The following NBEAL1 variants were observed in gnomAD, a reference collection of about 807,000 sequenced individuals.
NBEAL1 encodes the protein neurobeachin-like protein 1.
Under a neutral mutation model 351.3 loss-of-function variants are expected in NBEAL1, and 273 were observed. The observed-to-expected ratio is 0.78, with a 90% CI of 0.70 to 0.86. NBEAL1 has a LOEUF of 0.86. Among genes scored for constraint, NBEAL1 ranks in the 40% least tolerant of loss-of-function variants. The probability of loss-of-function intolerance (pLI) is 0.00; values close to 1 mark genes in which losing one functional copy is unlikely to be tolerated. For synonymous variants in NBEAL1, 1,050 were observed against 1,086.4 expected (o/e 0.97, Z 0.66); for missense variants, 2,961 against 3,201.3 (o/e 0.92, Z 1.81).
chr2:203,019,757 C>T (rs1001079366), intron 2 of NBEAL1, among the ~76,000 whole-genome samples: 2 of 152,154 alleles, frequency 1.3e-5, no homozygotes, highest in Non-Finnish European at 2.9e-5. Context: ...AGTAGTACTA[C>T]CTCAGAAATA....
intron 7 of NBEAL1, among the ~76,000 whole-genome samples, chr2:203,074,317 C>CTTTTTTTT (rs56217945): frequency 2.3e-4 from 23 of 98,330 alleles, no homozygotes; most frequent in African/African-American, 5.2e-4. Context: ...TTTCTTTCTT[C>CTTTTTTTT]TTTTTTTTTT....
At chr2:203,179,738 T>A (rs2064642649) in intron 42 of NBEAL1, among the ~76,000 whole-genome samples, 1 of 152,190 alleles carries the variant, frequency 6.6e-6, no homozygotes, top group South Asian at 2.1e-4. Context: ...TTTTCAAATA[T>A]TGAAATAACA....
Position 203,116,062 on chromosome 2 carries a change from A to G in NBEAL1, c.2584A>G (p.Thr862Ala), listed in dbSNP as rs1559377099. The change falls in exon 18 of 56, where the codon ACA (threonine) becomes GCA (alanine). Residue 862 changes from threonine (T) to alanine (A), a missense_variant. Transcript: ENST00000683969. ...GCCTGGTAACATCCTTCTTTACTAC[A>G]CAGCAAAGGTCAGAGTAAATTTGTG... ...DLPGNILLYY[T>A]AKACKNSICL... is the part of the protein sequence containing the mutation. 6.4e-7 allele frequency: 1 copy of G among 1,551,528 alleles called. No individual in the cohort carries two copies. Among genetic ancestry groups the G allele is most frequent in the Admixed American group, 2.0e-5 (1 of 51,004 alleles).
intron 36 of NBEAL1, among the ~76,000 whole-genome samples, chr2:203,158,794 T>C (rs2063865077): frequency 6.6e-6 from 1 of 151,518 alleles, no homozygotes; most frequent in South Asian, 2.1e-4. Context: ...TCCAGTTTTT[T>C]TGTGTGTGTT....
chr2:203,195,555 A>G (rs746336752), intron 47 of NBEAL1, among the ~76,000 whole-genome samples: 2 of 152,242 alleles, frequency 1.3e-5, no homozygotes, highest in African/African-American at 2.4e-5. Context: ...GTGATTTGCC[A>G]GAAAGACTCA....
Position 203,220,483 on chromosome 2 carries a change from C to CA in NBEAL1, c.*3142dup, listed in dbSNP as rs968981661. Among the ~76,000 whole-genome samples, 960 of 136,042 alleles carry CA rather than the reference C, an allele frequency of 7.1e-3. 24 individuals carry two copies. The highest frequency in any genetic ancestry group is 0.043 in the Admixed American group (579 of 13,606). The allele number at this position is 136,042 out of a possible 152,430, so 89.2% of individuals were successfully genotyped here. A position where few individuals can be genotyped will look rare whatever the true frequency, so the allele number is the denominator to read the frequency against. ...TGGGCAACAGGGCAAGACTCCATCT[C>CA]AAAAAAAAAAAAAGTCTGTTATCTT... On this transcript the variant is annotated 3_prime_UTR_variant, in exon 56 of 56. Transcript: ENST00000683969.
At chr2:203,092,522 G>T (rs1306990258) in intron 10 of NBEAL1, among the ~76,000 whole-genome samples, 1 of 152,010 alleles carries the variant, frequency 6.6e-6, no homozygotes, top group Non-Finnish European at 1.5e-5. Flanking sequence ...CTGAGATCGT[G>T]CCACTGCACT....
Position 203,149,123 on chromosome 2 carries a change from T to C in NBEAL1, c.5437T>C (p.Cys1813Arg), listed in dbSNP as rs1187932304. ...RWKAIQLYLT[C>R]ERGPWAKRKQ... The stretch of plus-strand genomic sequence containing the variant: ...GAAAGCAATACAGCTCTATCTTACA[T>C]GTGAAAGGGGACCTTGGGCTAAAAG... The change falls in exon 34 of 56, where the codon TGT becomes CGT. Residue 1813 changes from cysteine (C) to arginine (R), a missense_variant. Coordinates refer to ENST00000683969, the MANE Select transcript of NBEAL1 (RefSeq NM_001378026.1). 1 of 1,603,062 alleles carries C rather than the reference T, an allele frequency of 6.2e-7. No individual in the cohort carries two copies. The highest frequency in any genetic ancestry group is 2.2e-5 in the East Asian group (1 of 44,728).
intron 44 of NBEAL1, 73 bp downstream of exon 44, chr2:203,183,461 C>G: frequency 1.2e-6 from 1 of 832,920 alleles, no homozygotes; most frequent in South Asian, 1.8e-5. Flanking sequence ...ATGGGATAAT[C>G]TGACTTAGTT....
intron 12 of NBEAL1, among the ~76,000 whole-genome samples, chr2:203,106,934 A>G (rs1431149750): frequency 3.3e-5 from 5 of 152,218 alleles, no homozygotes; most frequent in African/African-American, 1.2e-4. Context: ...TTTAGATACA[A>G]GTAGCAGAGA....
chr2:203,199,042 C>T (rs2065318265), intron 48 of NBEAL1, among the ~76,000 whole-genome samples: 1 of 145,986 alleles, frequency 6.8e-6, no homozygotes, highest in Non-Finnish European at 1.5e-5. Context: ...ACAAAGAATA[C>T]AAAAATTAGC....
chr2:203,158,306 A>G (rs1420872071), intron 36 of NBEAL1, among the ~76,000 whole-genome samples: 2 of 152,202 alleles, frequency 1.3e-5, no homozygotes, highest in Non-Finnish European at 2.9e-5. Context: ...ATTTGCCTAT[A>G]TTAGGATTGA....
intron 2 of NBEAL1, among the ~76,000 whole-genome samples, chr2:203,037,364 G>A (rs2061057538): frequency 6.7e-6 from 1 of 148,936 alleles, no homozygotes; most frequent in South Asian, 2.1e-4. Context: ...AAGTATTGAG[G>A]AGGCAAAGGA....
chr2:203,183,384 C>T lies in NBEAL1; in HGVS notation c.6701C>T (p.Ala2234Val). ...GATTTCATCTATAAACATAGGAAAGCTTTGGTAAGAGTTTTGCATTTAGTT... is the reference window on the plus strand; with the variant it reads ...GATTTCATCTATAAACATAGGAAAGTTTTGGTAAGAGTTTTGCATTTAGTT... ...AEDFIYKHRK[A>V]LESEYVSAHL... The change falls in exon 44 of 56, where the codon GCT becomes GTT. Residue 2234 changes from alanine to valine, a missense_variant. Coordinates refer to ENST00000683969, the MANE Select transcript of NBEAL1 (RefSeq NM_001378026.1). 1 of 1,537,436 alleles carries T rather than the reference C, an allele frequency of 6.5e-7. No homozygotes were observed.
chr2:203,041,728 A>G (rs1470721729), intron 2 of NBEAL1, 37 bp from the exon 3 acceptor site: 3 of 1,376,098 alleles, frequency 2.2e-6, no homozygotes, highest in Admixed American at 4.4e-5. Flanking sequence ...TTTTCCTGAT[A>G]GGCATACTTA....
chr2:203,132,035 C>G lies in NBEAL1; in HGVS notation c.3627C>G (p.Leu1209=). Residue 1209 remains leucine (L), a synonymous_variant, in exon 26 of 56, where the codon CTC becomes CTG. Coordinates refer to ENST00000683969, the MANE Select transcript of NBEAL1 (RefSeq NM_001378026.1). ...VYERSKQHIR[L]REVGYSGLGL... ...AGCGTAGTAAACAACATATTCGACT[C>G]AGAGAAGTTGGCTACTCGGGACTGG... 6.4e-7 allele frequency: 1 copy of G among 1,554,722 alleles called. No homozygotes were observed. Among genetic ancestry groups the G allele is most frequent in the South Asian group, 1.2e-5 (1 of 84,364 alleles).
chr2:203,043,769 A>T (rs2061183270), intron 3 of NBEAL1, among the ~76,000 whole-genome samples: 1 of 150,418 alleles, frequency 6.6e-6, no homozygotes, highest in Admixed American at 6.7e-5. Context: ...AGAAGGGAGG[A>T]ATGGATGGTG....
rs1016708255 is a variant in NBEAL1, at chr2:203,068,389, A to G, written c.516-4A>G. The G allele has an allele frequency of 1.3e-6, 2 of 1,496,364 alleles. No homozygotes were observed. The highest frequency in any genetic ancestry group is 2.8e-5 in the African/African-American group (2 of 71,668). The allele number at this position is 1,496,364 out of a possible 1,614,324, so 92.7% of individuals were successfully genotyped here. A position where few individuals can be genotyped will look rare whatever the true frequency, so the allele number is the denominator to read the frequency against. ...ACTTATTATTAACTTCTTTTTAATG[A>G]TAGACGAATCCTTAGTACTGTGGAA... On this transcript the variant is annotated splice_polypyrimidine_tract_variant and splice_region_variant and intron_variant, in intron 6 of 55. Coordinates refer to ENST00000683969, the MANE Select transcript of NBEAL1 (RefSeq NM_001378026.1).
At chr2:203,050,020 G>T (rs2061299537) in intron 4 of NBEAL1, 45 bp downstream of exon 4, 1 of 1,518,820 alleles carries the variant, frequency 6.6e-7, no homozygotes, top group East Asian at 2.5e-5. Flanking sequence ...ATAGGTGGGA[G>T]TTGAACAATG....
Sources: allele counts gnomAD v4.1 joint callset (sites outside exome capture counted in the v4.1 genomes callset), GRCh38; gene constraint gnomAD v4.1.1; transcripts MANE v1.5; gene names NCBI Gene and HGNC (gene_info 2026-07-23, HGNC 2026-07-21).